OXR1: variants seen among roughly 807,000 people sequenced by gnomAD.
OXR1 encodes the protein oxidation resistance protein 1.
In OXR1, 41 loss-of-function variants were observed where a neutral mutation model predicts 104.6. The observed-to-expected ratio is 0.39, with a 90% CI of 0.31 to 0.51. OXR1 has a LOEUF of 0.51. OXR1 is among the 20% of genes least tolerant of loss of function. OXR1 has a pLI of 0.77. For missense variants in OXR1, 955 were observed against 1,031.9 expected (o/e 0.93, Z 1.02); for synonymous variants, 348 against 348.4 (o/e 1.00, Z 0.01).
intron 2 of OXR1, among the ~76,000 whole-genome samples, chr8:106,361,228 A>G (rs1038601052): frequency 6.6e-6 from 1 of 152,228 alleles, no homozygotes; most frequent in East Asian, 1.9e-4. Flanking sequence ...TCAATGGTAA[A>G]TAAATGTTAT....
chr8:106,617,301 T>C (rs12678473), intron 3 of OXR1, among the ~76,000 whole-genome samples: 6,865 of 152,242 alleles, frequency 0.045, 190 homozygotes, highest in South Asian at 0.077. Context: ...CGTGTGCCTG[T>C]AGACCCAGCT....
rs576276149 is a variant in OXR1 at position 106,542,104 on chromosome 8, T to C, written c.220+22965T>C. Reference sequence around the variant, plus strand: ...GCTCCATGTCACTGCCTTCAGTGGATAAAGTGACCCTTTCTTTTACAAAGA... The same window carrying C: ...GCTCCATGTCACTGCCTTCAGTGGACAAAGTGACCCTTTCTTTTACAAAGA... On this transcript the variant is annotated intron_variant, in intron 3 of 16. Transcript: ENST00000517566. Among the ~76,000 whole-genome samples the C allele has an allele frequency of 1.1e-3, 172 of 152,316 alleles. 1 individual carries two copies. The highest frequency in any genetic ancestry group is 1.9e-3 in the Non-Finnish European group (129 of 68,016).
chr8:106,580,776 T>A (rs1256020753), intron 3 of OXR1, among the ~76,000 whole-genome samples: 2 of 152,198 alleles, frequency 1.3e-5, no homozygotes, highest in African/African-American at 4.8e-5. Flanking sequence ...CTTTTTTTAA[T>A]GATGCAATAT....
At chr8:106,294,395 C>CAAAAA (rs1200997871) in intron 1 of OXR1, among the ~76,000 whole-genome samples, 8,875 of 69,946 alleles carry the variant, frequency 0.13, 969 homozygotes, top group African/African-American at 0.26. Flanking sequence ...GACTCTGTCT[C>CAAAAA]AAAAAAAAAA....
intron 2 of OXR1, among the ~76,000 whole-genome samples, chr8:106,505,915 G>A (rs1159482539): frequency 1.3e-5 from 2 of 152,186 alleles, no homozygotes; most frequent in African/African-American, 4.8e-5. Context: ...TGCTTGCTCT[G>A]GTTGCTATAG....
chr8:106,734,830 G>A, intron 11 of OXR1, among the ~76,000 whole-genome samples: 1 of 152,134 alleles, frequency 6.6e-6, no homozygotes, highest in East Asian at 1.9e-4. Flanking sequence ...CAGAGTATAG[G>A]TCATGGTACT....
intron 3 of OXR1, among the ~76,000 whole-genome samples, chr8:106,652,496 A>G (rs1391387583): frequency 6.6e-6 from 1 of 152,106 alleles, no homozygotes; most frequent in Non-Finnish European, 1.5e-5. Context: ...AAACATGTGG[A>G]AATTAAACAA....
At chr8:106,691,722 T>C (rs1463556072) in intron 6 of OXR1, among the ~76,000 whole-genome samples, 6 of 150,620 alleles carry the variant, frequency 4.0e-5, no homozygotes, top group Non-Finnish European at 3.0e-5. Context: ...CAAAATTTGT[T>C]GATAGCTTTT....
At chr8:106,380,064 A>T (rs1000111381) in intron 2 of OXR1, among the ~76,000 whole-genome samples, 11 of 152,102 alleles carry the variant, frequency 7.2e-5, no homozygotes, top group African/African-American at 2.7e-4. Context: ...CCCTAAAAAG[A>T]AATACTGAAC....
intron 1 of OXR1, among the ~76,000 whole-genome samples, chr8:106,357,878 A>G (rs1044927435): frequency 9.9e-5 from 15 of 152,150 alleles, no homozygotes; most frequent in Non-Finnish European, 2.2e-4. Flanking sequence ...CAAGGTCACC[A>G]AGTCTCAAAC....
chr8:106,656,645 C>A (rs1825114755), intron 3 of OXR1, among the ~76,000 whole-genome samples: 1 of 152,076 alleles, frequency 6.6e-6, no homozygotes, highest in African/African-American at 2.4e-5. Context: ...TGCAGATTCT[C>A]CTGGGTCCCT....
At chr8:106,692,933 T>C in intron 7 of OXR1, 56 bp downstream of exon 7, 2 of 1,235,162 alleles carry the variant, frequency 1.6e-6, no homozygotes, top group Non-Finnish European at 2.2e-6. Context: ...ATTACTAATG[T>C]ATGATAGTTT....
intron 2 of OXR1, among the ~76,000 whole-genome samples, chr8:106,448,784 A>AC (rs1354461570): frequency 2.6e-5 from 4 of 152,048 alleles, no homozygotes; most frequent in Non-Finnish European, 4.4e-5. Context: ...GAAATCTACC[A>AC]CCCCCAGAAG....
At chr8:106,477,027 T>G (rs2129704707) in intron 2 of OXR1, among the ~76,000 whole-genome samples, 1 of 152,092 alleles carries the variant, frequency 6.6e-6, no homozygotes, top group Non-Finnish European at 1.5e-5. Flanking sequence ...TATGCTGGAT[T>G]CACTTATCCT....
intron 11 of OXR1, among the ~76,000 whole-genome samples, chr8:106,735,563 G>A (rs748449478): frequency 1.4e-4 from 21 of 152,024 alleles, no homozygotes; most frequent in Non-Finnish European, 3.1e-4. Flanking sequence ...ATAGATATAA[G>A]ATAATTGTTA....
chr8:106,687,044 C>G (rs1828807934), intron 6 of OXR1, among the ~76,000 whole-genome samples: 1 of 152,088 alleles, frequency 6.6e-6, no homozygotes, highest in Non-Finnish European at 1.5e-5. Flanking sequence ...CTGTGTTTGT[C>G]CCTCCAGACT....
At chr8:106,406,385 C>A (rs547861159) in intron 2 of OXR1, among the ~76,000 whole-genome samples, 8 of 152,166 alleles carry the variant, frequency 5.3e-5, no homozygotes, top group Non-Finnish European at 1.2e-4. Flanking sequence ...TGAAAAGTGC[C>A]TGTCTCCCTG....
chr8:106,729,303 C>T (rs1179762076), intron 11 of OXR1, among the ~76,000 whole-genome samples: 2 of 152,082 alleles, frequency 1.3e-5, no homozygotes, highest in African/African-American at 2.4e-5. Flanking sequence ...CCCTTAAACT[C>T]TTTGCCATAC....
intron 1 of OXR1, among the ~76,000 whole-genome samples, chr8:106,299,595 G>A (rs1167184751): frequency 6.6e-6 from 1 of 151,892 alleles, no homozygotes; most frequent in African/African-American, 2.4e-5. Context: ...ATCTTGCTTT[G>A]TGGCATTAGC....
Sources: allele counts gnomAD v4.1 joint callset (sites outside exome capture counted in the v4.1 genomes callset), GRCh38; gene constraint gnomAD v4.1.1; transcripts MANE v1.5; gene names NCBI Gene and HGNC (gene_info 2026-07-23, HGNC 2026-07-21).